Variants in DCAF6 observed in about 807,000 individuals in gnomAD.
DCAF6 encodes DDB1 and CUL4 associated factor 6.
DCAF6 carries 54 observed loss-of-function variants against 125.1 expected under a neutral mutation model. The observed-to-expected ratio is 0.43, with a 90% confidence interval of 0.35 to 0.54. The LOEUF is 0.54. Ranked by LOEUF, DCAF6 falls within the 20% of genes least tolerant of loss-of-function variation. The probability of loss-of-function intolerance (pLI) is 0.01; values close to 1 mark genes in which losing one functional copy is unlikely to be tolerated. For synonymous variants in DCAF6, 371 were observed against 390.4 expected (o/e 0.95, Z 0.58); for missense variants, 934 against 1,161.7 (o/e 0.80, Z 2.85).
At chr1:167,969,833 G>A (rs753997614) in intron 3 of DCAF6, among the ~76,000 whole-genome samples, 7 of 152,170 alleles carry the variant, frequency 4.6e-5, no homozygotes, top group Non-Finnish European at 1.0e-4. Context: ...CTGGAGTGCA[G>A]TGGCACGATC....
chr1:168,072,317 AAAAAAAAAG>A (rs1693196084), intron 21 of DCAF6, among the ~76,000 whole-genome samples: 6 of 148,504 alleles, frequency 4.0e-5, no homozygotes, highest in African/African-American at 1.0e-4. Flanking sequence ...AAAAAAAAAA[AAAAAAAAAG>A]AAAAGAAAAG....
chr1:167,901,162 T>C, the DCAF6 span, among the ~76,000 whole-genome samples: 6 of 152,212 alleles, frequency 3.9e-5, no homozygotes, highest in African/African-American at 1.2e-4. Context: ...ACTATTACTA[T>C]ATTATATGTA....
chr1:168,001,390 T>A (rs879686933), intron 7 of DCAF6, among the ~76,000 whole-genome samples: 5 of 152,192 alleles, frequency 3.3e-5, no homozygotes, highest in Middle Eastern at 3.2e-3. Flanking sequence ...CTGTTTGAGT[T>A]GGCAATTGAT....
the DCAF6 span, among the ~76,000 whole-genome samples, chr1:167,929,466 T>G: frequency 1.3e-5 from 2 of 152,226 alleles, no homozygotes; most frequent in Non-Finnish European, 2.9e-5. Context: ...ATTTTTAAAG[T>G]GAAACTCATG....
the DCAF6 span, among the ~76,000 whole-genome samples, chr1:167,911,929 A>T: frequency 5.3e-4 from 81 of 152,246 alleles, no homozygotes; most frequent in Non-Finnish European, 1.0e-3. Context: ...AAGATGGCAT[A>T]TGTAGATGTG....
the DCAF6 span, chr1:167,875,155 T>C: frequency 1.9e-6 from 3 of 1,614,224 alleles, no homozygotes; most frequent in Non-Finnish European, 2.5e-6. Context: ...TCCTCCTTTC[T>C]GTTGCAGATG....
At chr1:168,015,742 A>G in intron 10 of DCAF6, 39 bp from the exon 11 acceptor site, 2 of 1,394,944 alleles carry the variant, frequency 1.4e-6, no homozygotes, top group Non-Finnish European at 1.9e-6. Context: ...TTTCTATTTT[A>G]TTACTGTCTT....
At chr1:167,936,210 G>T (rs143027430), upstream of DCAF6, 1,016 of 248,078 alleles carry the variant, frequency 4.1e-3, 10 homozygotes, top group African/African-American at 0.022. Context: ...GCCCCGAGGC[G>T]CGGGCGGGGT....
At chr1:167,890,898 A>G in the DCAF6 span, among the ~76,000 whole-genome samples, 2 of 152,182 alleles carry the variant, frequency 1.3e-5, no homozygotes, top group East Asian at 3.9e-4. Flanking sequence ...AAGGTCACAT[A>G]AGGACACAAT....
the DCAF6 span, among the ~76,000 whole-genome samples, chr1:167,907,726 T>G: frequency 6.6e-6 from 1 of 152,248 alleles, no homozygotes; most frequent in Non-Finnish European, 1.5e-5. Context: ...CAACATTATT[T>G]CCTATTTTGG....
At chr1:167,940,047 A>G (rs1027572733) in intron 1 of DCAF6, among the ~76,000 whole-genome samples, 1 of 152,136 alleles carries the variant, frequency 6.6e-6, no homozygotes, top group African/African-American at 2.4e-5. Context: ...TTACATTTCC[A>G]GTTATTTCAC....
chr1:167,903,028 G>C, the DCAF6 span, among the ~76,000 whole-genome samples: 12 of 152,216 alleles, frequency 7.9e-5, no homozygotes, highest in African/African-American at 2.4e-4. Flanking sequence ...GCTGAGGTGG[G>C]AGGATCACCT....
chr1:167,924,539 T>TA, the DCAF6 span: 1 of 1,532,300 alleles, frequency 6.5e-7, no homozygotes, highest in Non-Finnish European at 8.7e-7. Flanking sequence ...TTCTGGGACC[T>TA]GAAAAAAAAA....
chr1:167,968,114 T>C (rs1676711148), intron 3 of DCAF6, among the ~76,000 whole-genome samples: 1 of 152,198 alleles, frequency 6.6e-6, no homozygotes, highest in Non-Finnish European at 1.5e-5. Flanking sequence ...TAATTTTTTA[T>C]GGTAGTAGCA....
In DCAF6 at chr1:167,985,849, A is replaced by T. The variant is rs369878293; in HGVS notation, c.439-1646A>T. On this transcript the variant is annotated intron_variant, in intron 4 of 21. Transcript: ENST00000367840. ...AAATATATATGTACTCAGCATCTAG[A>T]ACAAGAAACAGCCCCCCATAAGTCC... 2.0e-5 allele frequency among the ~76,000 whole-genome samples: 3 copies of T among 152,310 alleles called. No homozygotes were observed. The East Asian group carries it at 5.8e-4, about 29-fold the overall frequency.
chr1:167,911,590 G>C, the DCAF6 span, among the ~76,000 whole-genome samples: 1 of 152,232 alleles, frequency 6.6e-6, no homozygotes, highest in African/African-American at 2.4e-5. Flanking sequence ...GTGAGGTCCT[G>C]TTCCGGCCAA....
At chr1:167,912,726 A>G in the DCAF6 span, among the ~76,000 whole-genome samples, 1 of 151,964 alleles carries the variant, frequency 6.6e-6, no homozygotes, top group Admixed American at 6.6e-5. Context: ...ATCACTCCAC[A>G]TGTGTCTGTG....
chr1:167,976,302 C>G (rs61807029), intron 4 of DCAF6, among the ~76,000 whole-genome samples: 2 of 151,976 alleles, frequency 1.3e-5, no homozygotes, highest in African/African-American at 4.8e-5. Flanking sequence ...AACCCTGTCT[C>G]TACTAAAAAT....
the DCAF6 span, chr1:167,899,445 A>G: frequency 6.2e-7 from 1 of 1,614,178 alleles, no homozygotes; most frequent in Non-Finnish European, 8.5e-7. Context: ...CTGATCTGGA[A>G]CACTCTCAAT....
Sources: allele counts gnomAD v4.1 joint callset (sites outside exome capture counted in the v4.1 genomes callset), GRCh38; gene constraint gnomAD v4.1.1; transcripts MANE v1.5; gene names NCBI Gene and HGNC (gene_info 2026-07-23, HGNC 2026-07-21).